The following BRPF1 variants were observed in gnomAD, a reference collection of about 807,000 sequenced individuals.
The protein encoded by BRPF1 is peregrin.
BRPF1 carries 15 observed loss-of-function variants against 115.0 expected under a neutral mutation model. The ratio of observed to expected loss-of-function variants is 0.13; its 90% CI spans 0.09 to 0.20. The LOEUF (loss-of-function observed/expected upper bound fraction) is 0.20, where lower values mean the gene tolerates loss of function less well. Among genes scored for constraint, BRPF1 ranks in the 10% least tolerant of loss-of-function variants. The probability of loss-of-function intolerance (pLI) is 1.00; values close to 1 mark genes in which losing one functional copy is unlikely to be tolerated. For missense variants in BRPF1, 1,118 were observed against 1,638.3 expected, an observed-to-expected ratio of 0.68 and a Z score of 5.48; for synonymous variants, 647 against 619.8, an observed-to-expected ratio of 1.04 and a Z score of -0.65.
chr3:9,738,910 AGAGT>A, intron 2 of BRPF1, 85 bp from the exon 3 acceptor site: 1 of 1,265,456 alleles, frequency 7.9e-7, no homozygotes, highest in Non-Finnish European at 1.1e-6. Context: ...GCATAGGCAC[AGAGT>A]AAGTGCTCAA....
chr3:9,734,756 C>G lies in BRPF1; in HGVS notation c.599+17C>G, dbSNP rs1345878457. ...CTATTACCGGTAAGGCCACCTCTACCTTGCAGCTCTGGAAAACTGGTCAAG... is the reference window on the plus strand; with the variant it reads ...CTATTACCGGTAAGGCCACCTCTACGTTGCAGCTCTGGAAAACTGGTCAAG... On this transcript the variant is annotated intron_variant, in intron 2 of 13. Coordinates refer to ENST00000383829, the MANE Select transcript of BRPF1 (RefSeq NM_001003694.2). The surrounding 1 kb of genome is among the most constrained non-coding windows in gnomAD (Gnocchi z 5.7). 6.2e-7 allele frequency: 1 copy of G among 1,611,564 alleles called. No homozygotes were observed. Among genetic ancestry groups the G allele is most frequent in the Non-Finnish European group, 8.5e-7 (1 of 1,178,104 alleles).
intron 3 of BRPF1, 62 bp from the exon 4 acceptor site, chr3:9,740,717 C>G: frequency 6.3e-7 from 1 of 1,588,416 alleles, no homozygotes; most frequent in Middle Eastern, 1.7e-4. Context: ...GGCCAGAGAC[C>G]CTTGCTCTGC....
In BRPF1 at chr3:9,741,529, C is replaced by T. The variant is rs937069090; in HGVS notation, c.1854+90C>T. The T allele has an allele frequency of 7.0e-6, 9 of 1,277,738 alleles. No homozygotes were observed. The Admixed American group carries it at 1.5e-4, about 21-fold the overall frequency. The allele number at this position is 1,277,738 out of a possible 1,614,324, so 79.2% of individuals were successfully genotyped here. A position where few individuals can be genotyped will look rare whatever the true frequency, so the allele number is the denominator to read the frequency against. ...GCAGGCGCCTGTAGTCCCAGCTACT[C>T]GGGAGGCTGAGGCAGGAGAATGGCG... On this transcript the variant is annotated intron_variant, in intron 5 of 13. Transcript: ENST00000383829.
At position 9,745,537 on chromosome 3, in the gene BRPF1, C is replaced by G; in HGVS notation, c.3069-36C>G. The G allele has an allele frequency of 6.2e-7, 1 of 1,607,196 alleles. No individual in the cohort carries two copies. Among genetic ancestry groups the G allele is most frequent in the African/African-American group, 1.3e-5 (1 of 74,940 alleles). ...TACCATGCTGTTCCCCATTCTTCCC[C>G]TCCTTTGAGCTGAGCTCCCATTGTC... On this transcript the variant is annotated intron_variant, in intron 10 of 13. Transcript: ENST00000383829. This position sits in a 1 kb window ranked among gnomAD's most constrained non-coding sequence, Gnocchi z 5.1.
chr3:9,742,529 TTC>T (rs2077048708), intron 6 of BRPF1: 1 of 985,276 alleles, frequency 1.0e-6, no homozygotes, highest in African/African-American at 1.7e-5. Flanking sequence ...TGGCAGACTC[TTC>T]TCTCTAAAAG....
chr3:9,741,636 C>CAAAAAAAAA (rs5846643), intron 5 of BRPF1, among the ~76,000 whole-genome samples, 197 bp downstream of exon 5: 2 of 89,240 alleles, frequency 2.2e-5, no homozygotes, highest in Non-Finnish European at 4.5e-5. Flanking sequence ...GACTCCGTCT[C>CAAAAAAAAA]AAAAAAAAAA....
chr3:9,741,351 A>G lies in BRPF1; in HGVS notation c.1766A>G (p.Lys589Arg), dbSNP rs1416562716. Residue 589 changes from lysine (K) to arginine (R), a missense_variant, in exon 5 of 14, where the codon AAG (lysine) becomes AGG (arginine). Lys to Arg is a conservative substitution (Grantham distance 26). Transcript: ENST00000383829. ...AACTGGGCCCTTAAAGAACAGCTCA[A>G]GTCCTGGCAGCGGCTCCGGCATGAC... ...DKNWALKEQL[K>R]SWQRLRHDLE... is the part of the protein sequence containing the mutation. 6.8e-6 allele frequency: 11 copies of G among 1,607,318 alleles called. No individual in the cohort carries two copies. The highest frequency in any genetic ancestry group is 6.7e-5 in the Admixed American group (4 of 59,576).
chr3:9,743,530 C>T lies in BRPF1; in HGVS notation c.2312-48C>T, dbSNP rs779596409. 6.4e-7 allele frequency: 1 copy of T among 1,572,790 alleles called. No individual in the cohort carries two copies. Among genetic ancestry groups the T allele is most frequent in the Non-Finnish European group, 8.6e-7 (1 of 1,156,724 alleles). On this transcript the variant is annotated intron_variant, in intron 7 of 13. Coordinates refer to ENST00000383829, the MANE Select transcript of BRPF1 (RefSeq NM_001003694.2). The surrounding 1 kb of genome is among the most constrained non-coding windows in gnomAD (Gnocchi z 6.1). ...GCTGCCTGCCCAGGTTCAAGGGGCCCTGAGGGCTGCCCTGAGTCTGACCTT... is the reference window on the plus strand; with the variant it reads ...GCTGCCTGCCCAGGTTCAAGGGGCCTTGAGGGCTGCCCTGAGTCTGACCTT...
Position 9,745,773 on chromosome 3 carries a change from C to G in BRPF1, c.3206-39C>G, listed in dbSNP as rs1476548161. The G allele has an allele frequency of 1.2e-6, 2 of 1,610,744 alleles. No individual in the cohort carries two copies. The highest frequency in any genetic ancestry group is 1.7e-6 in the Non-Finnish European group (2 of 1,177,342). ...CAGTGTCAGGGTCTCGCCAGCCCCC[C>G]AGCTGCTGATCCACCCCCTCTCCCC... On this transcript the variant is annotated intron_variant, in intron 11 of 13. Coordinates refer to ENST00000383829, the MANE Select transcript of BRPF1 (RefSeq NM_001003694.2). This position sits in a 1 kb window ranked among gnomAD's most constrained non-coding sequence, Gnocchi z 5.1.
rs549605196 is a variant in BRPF1 at position 9,744,521 on chromosome 3, A to G, written c.2920+13A>G. ...GACCCCCCAATGGGTGAGCCTTACCATCACCCAGCCCCCCAAGAGAGTGAG... is the reference window on the plus strand; with the variant it reads ...GACCCCCCAATGGGTGAGCCTTACCGTCACCCAGCCCCCCAAGAGAGTGAG... On this transcript the variant is annotated intron_variant, in intron 9 of 13. Transcript: ENST00000383829. 20 of 1,494,062 alleles carry G rather than the reference A, an allele frequency of 1.3e-5. 1 individual carries two copies. The Admixed American group carries it at 4.1e-4, about 30-fold the overall frequency. The allele number at this position is 1,494,062 out of a possible 1,614,324, so 92.6% of individuals were successfully genotyped here.
At position 9,731,797 on chromosome 3, in the gene BRPF1, C is replaced by T; in HGVS notation, c.-352C>T. On this transcript the variant is annotated 5_prime_UTR_variant, in exon 1 of 14. It adds an upstream start codon to the 5' untranslated region. Transcript: ENST00000383829. ...GCCGCTGCCACAGCCTTTGCCGCCA[C>T]GGTCTCCGCCGCCGCTGTCCTCGCG... The T allele has an allele frequency of 6.4e-6, 1 of 156,550 alleles. No individual in the cohort carries two copies. The highest frequency in any genetic ancestry group is 1.4e-5 in the Non-Finnish European group (1 of 70,886). 9.7% of individuals were successfully genotyped at this position (156,550 alleles called of 1,614,324 possible).
In BRPF1 at chr3:9,744,334, C is replaced by T. The variant is rs376977957; in HGVS notation, c.2746C>T (p.Arg916Trp). The change falls in exon 9 of 14, where the codon CGG becomes TGG. Residue 916 changes from arginine (R) to tryptophan (W), a missense_variant. Around this residue, in one of 10 missense-constraint regions of BRPF1, gnomAD observed 92 missense variants for 102.2 expected, o/e 0.90. Transcript: ENST00000383829. ...KTAGPPKRPG[R>W]PPKNRESQMT... ...AGCTGGACCGCCCAAGAGGCCGGGC[C>T]GGCCCCCCAAAAACCGGGAGAGCCA... The T allele has an allele frequency of 6.2e-7, 1 of 1,613,464 alleles. No individual in the cohort carries two copies. The highest frequency in any genetic ancestry group is 8.5e-7 in the Non-Finnish European group (1 of 1,179,718).
At chr3:9,741,265 C>T in intron 4 of BRPF1, 43 bp from the exon 5 acceptor site, 1 of 1,530,690 alleles carries the variant, frequency 6.5e-7, no homozygotes. Flanking sequence ...GACCTTTCCT[C>T]TGGCTTTCTA....
Position 9,739,351 on chromosome 3 carries a change from C to T in BRPF1, c.952C>T (p.Arg318Cys). 1.9e-6 allele frequency: 3 copies of T among 1,614,182 alleles called. No homozygotes were observed. The highest frequency in any genetic ancestry group is 2.2e-5 in the East Asian group (1 of 44,882). Residue 318 changes from arginine to cysteine, a missense_variant, in exon 3 of 14, where the codon CGC becomes TGC. By Grantham distance (180) the Arg-to-Cys change is radical. Coordinates refer to ENST00000383829, the MANE Select transcript of BRPF1 (RefSeq NM_001003694.2). ...PYIPEGQWLC[R>C]RCLQSPSRAV... ...TATCCCTGAGGGCCAGTGGCTGTGC[C>T]GCCGTTGCCTGCAGTCACCCTCTCG... is the stretch of plus-strand genomic sequence containing the variant.
chr3:9,741,029 G>A (rs1449781710), intron 4 of BRPF1, 88 bp downstream of exon 4: 7 of 1,391,430 alleles, frequency 5.0e-6, no homozygotes, highest in Non-Finnish European at 6.9e-6. Context: ...CAGTGTCAGA[G>A]GGCTTAGACT....
Position 9,746,296 on chromosome 3 carries a change from T to C in BRPF1, c.3325-4T>C. 2 of 1,553,472 alleles carry C rather than the reference T, an allele frequency of 1.3e-6. No homozygotes were observed. Among genetic ancestry groups the C allele is most frequent in the African/African-American group, 1.4e-5 (1 of 72,862 alleles). On this transcript the variant is annotated splice_region_variant and splice_polypyrimidine_tract_variant and intron_variant, in intron 12 of 13. Coordinates refer to ENST00000383829, the MANE Select transcript of BRPF1 (RefSeq NM_001003694.2). ...ACCAAACTGGGCTCTTATTATATCC[T>C]CAGATCATTGATCCAAAGATGCCCC...
At position 9,734,792 on chromosome 3, in the gene BRPF1, T is replaced by C. The variant is rs2076912965; in HGVS notation, c.599+53T>C. 1.3e-6 allele frequency: 2 copies of C among 1,589,106 alleles called. No individual in the cohort carries two copies. Among genetic ancestry groups the C allele is most frequent in the Non-Finnish European group, 8.6e-7 (1 of 1,161,580 alleles). On this transcript the variant is annotated intron_variant, in intron 2 of 13. Transcript: ENST00000383829. This position sits in a 1 kb window ranked among gnomAD's most constrained non-coding sequence, Gnocchi z 5.7. ...GGAAAACTGGTCAAGCAGGGCTCAC[T>C]AGCCAGAGAGAGGTGAGAGGCACAG... is the stretch of plus-strand genomic sequence containing the variant.
intron 9 of BRPF1, among the ~76,000 whole-genome samples, chr3:9,744,778 T>C (rs751332669): frequency 1.7e-4 from 26 of 152,182 alleles, no homozygotes; most frequent in Non-Finnish European, 3.4e-4. Context: ...TCCTGCCCTT[T>C]AAGCCATTTG....
chr3:9,741,415 G>A lies in BRPF1; in HGVS notation c.1830G>A (p.Lys610=), dbSNP rs147858724. ...RARLLVELIR[K]REKLKRETIK... ...GGCTGCTCGTGGAATTGATCCGCAA[G>A]CGGGAAAAACTCAAAAGGGAGACGG... The change falls in exon 5 of 14, where the codon AAG becomes AAA. Residue 610 remains lysine (K), a synonymous_variant. Transcript: ENST00000383829. 295 of 1,603,062 alleles carry A rather than the reference G, an allele frequency of 1.8e-4. No homozygotes were observed. The highest frequency in any genetic ancestry group is 2.4e-4 in the Non-Finnish European group (280 of 1,173,476).
Sources: allele counts gnomAD v4.1 joint callset (sites outside exome capture counted in the v4.1 genomes callset), GRCh38; gene constraint gnomAD v4.1.1; regional missense constraint gnomAD v4.1.1; non-coding constraint Gnocchi (gnomAD v3.1); transcripts MANE v1.5; gene names NCBI Gene and HGNC (gene_info 2026-07-23, HGNC 2026-07-21).